Variants in SNTG2 observed in about 807,000 individuals in gnomAD.
The protein encoded by SNTG2 is gamma-2-syntrophin.
A neutral mutation model predicts 70.9 loss-of-function variants in SNTG2; 74 were observed. The observed-to-expected ratio is 1.04, with a 90% CI of 0.86 to 1.27. The LOEUF is 1.27. Ranked by LOEUF, SNTG2 falls within the 50% of genes most tolerant of loss-of-function variation. SNTG2 has a pLI of 0.00. For synonymous variants in SNTG2, 278 were observed against 273.8 expected (o/e 1.02, Z -0.15); for missense variants, 717 against 690.7 (o/e 1.04, Z -0.43).
intron 4 of SNTG2, among the ~76,000 whole-genome samples, chr2:1,134,115 G>C (rs868686717): frequency 6.6e-6 from 1 of 152,102 alleles, no homozygotes; most frequent in African/African-American, 2.4e-5. Context: ...TTGTGGTCTC[G>C]CTGGCTTCAG....
At chr2:1,272,158 T>C (rs965674846) in intron 14 of SNTG2, among the ~76,000 whole-genome samples, 1 of 151,952 alleles carries the variant, frequency 6.6e-6, no homozygotes, top group African/African-American at 2.4e-5. Flanking sequence ...CATTGCAATC[T>C]GTAATGAAAT....
chr2:1,041,466 T>G (rs1661431597), intron 1 of SNTG2, among the ~76,000 whole-genome samples: 2 of 152,214 alleles, frequency 1.3e-5, no homozygotes, highest in African/African-American at 4.8e-5. Context: ...AGTTTGGATA[T>G]TTGTCCCTGC....
intron 6 of SNTG2, among the ~76,000 whole-genome samples, chr2:1,159,790 C>T (rs1224244192): frequency 2.0e-5 from 3 of 152,144 alleles, no homozygotes; most frequent in Non-Finnish European, 2.9e-5. Flanking sequence ...TACTAAAACT[C>T]CGTCTCCCAA....
chr2:1,208,494 G>C (rs750966112), intron 8 of SNTG2, among the ~76,000 whole-genome samples: 1 of 152,300 alleles, frequency 6.6e-6, no homozygotes, highest in South Asian at 2.1e-4. Context: ...ACCTACCTCC[G>C]ACCCTTTCGT....
At position 950,898 on chromosome 2, in the gene SNTG2, G is replaced by GCGCGGA. The variant is rs1197147853; in HGVS notation, c.-93_-88dup. 9.9e-4 allele frequency: 459 copies of GCGCGGA among 462,274 alleles called. 1 individual carries two copies. Among genetic ancestry groups the GCGCGGA allele is most frequent in the Middle Eastern group, 1.5e-3 (2 of 1,358 alleles). The allele number at this position is 462,274 out of a possible 1,614,324, so 28.6% of individuals were successfully genotyped here. A position where few individuals can be genotyped will look rare whatever the true frequency, so the allele number is the denominator to read the frequency against. On this transcript the variant is annotated 5_prime_UTR_variant, in exon 1 of 17. Coordinates refer to ENST00000308624, the MANE Select transcript of SNTG2 (RefSeq NM_018968.4). ...AGCCGGAGCCGGCAGAGGGGCGCGG[G>GCGCGGA]CGCGGACGCGGCGCCTGGCGGGGCC...
intron 1 of SNTG2, among the ~76,000 whole-genome samples, chr2:1,043,910 C>T (rs930832557): frequency 1.3e-5 from 2 of 152,054 alleles, no homozygotes; most frequent in Non-Finnish European, 2.9e-5. Context: ...TATTTGGTTT[C>T]CTATGAATTT....
intron 6 of SNTG2, among the ~76,000 whole-genome samples, chr2:1,143,287 A>G (rs1392089101): frequency 6.6e-6 from 1 of 152,174 alleles, no homozygotes; most frequent in East Asian, 1.9e-4. Flanking sequence ...GTTATAAGAA[A>G]TAAGGAATCA....
At chr2:1,155,387 A>C (rs1377542219) in intron 6 of SNTG2, among the ~76,000 whole-genome samples, 1 of 152,030 alleles carries the variant, frequency 6.6e-6, no homozygotes, top group African/African-American at 2.4e-5. Context: ...ACACGTGTAC[A>C]CATACACCAC....
intron 8 of SNTG2, among the ~76,000 whole-genome samples, chr2:1,191,906 G>C (rs1315143190): frequency 6.6e-6 from 1 of 151,728 alleles, no homozygotes; most frequent in East Asian, 1.9e-4. Context: ...ATGTATATAT[G>C]TTATTTATGT....
At chr2:1,169,097 C>CA (rs1412673790) in intron 7 of SNTG2, among the ~76,000 whole-genome samples, 4 of 152,086 alleles carry the variant, frequency 2.6e-5, no homozygotes, top group African/African-American at 9.7e-5. Flanking sequence ...GAGGAGGACT[C>CA]ACTTGTGAGG....
intron 1 of SNTG2, among the ~76,000 whole-genome samples, chr2:1,042,402 T>C (rs1329774612): frequency 6.6e-6 from 1 of 152,176 alleles, no homozygotes; most frequent in East Asian, 1.9e-4. Flanking sequence ...GGTTCGGGGG[T>C]ACACGTGCAG....
At chr2:1,222,116 T>C (rs1473136450) in intron 9 of SNTG2, among the ~76,000 whole-genome samples, 2 of 38,374 alleles carry the variant, frequency 5.2e-5, no homozygotes, top group African/African-American at 1.7e-4. Flanking sequence ...TCTCTCTCTG[T>C]CTCTCTCTGT....
chr2:1,277,859 A>G (rs1679332326), intron 14 of SNTG2, among the ~76,000 whole-genome samples: 1 of 152,166 alleles, frequency 6.6e-6, no homozygotes, highest in Non-Finnish European at 1.5e-5. Context: ...CTCATAGACA[A>G]GCTCCATGGA....
At chr2:1,149,568 A>T (rs552165807) in intron 6 of SNTG2, among the ~76,000 whole-genome samples, 1 of 152,098 alleles carries the variant, frequency 6.6e-6, no homozygotes, top group Non-Finnish European at 1.5e-5. Flanking sequence ...GCAAGAATCT[A>T]TGAGCAGCAG....
At chr2:1,238,870 C>G (rs1046672703) in intron 10 of SNTG2, among the ~76,000 whole-genome samples, 1 of 152,226 alleles carries the variant, frequency 6.6e-6, no homozygotes, top group Admixed American at 6.5e-5. Flanking sequence ...TGCACCCGCC[C>G]TGCCCCTGCC....
At chr2:961,164 C>A (rs1660336803) in intron 1 of SNTG2, among the ~76,000 whole-genome samples, 1 of 152,158 alleles carries the variant, frequency 6.6e-6, no homozygotes, top group African/African-American at 2.4e-5. Flanking sequence ...TATATGTTAT[C>A]ACCCCTGGGA....
chr2:1,242,242 T>G (rs1030161063), intron 11 of SNTG2, among the ~76,000 whole-genome samples: 1 of 152,140 alleles, frequency 6.6e-6, no homozygotes, highest in African/African-American at 2.4e-5. Context: ...GAAAGAAAAT[T>G]TTTTTTCACT....
At chr2:986,499 G>A (rs1661330008) in intron 1 of SNTG2, among the ~76,000 whole-genome samples, 1 of 152,224 alleles carries the variant, frequency 6.6e-6, no homozygotes, top group African/African-American at 2.4e-5. Context: ...GAATGAGGTT[G>A]TCATGGTTAG....
chr2:1,075,181 A>G (rs1193310420), intron 1 of SNTG2, among the ~76,000 whole-genome samples: 1 of 152,188 alleles, frequency 6.6e-6, no homozygotes, highest in African/African-American at 2.4e-5. Flanking sequence ...AAACAGACAC[A>G]TGTGTGCATG....
Sources: gnomAD v4.1 joint callset for allele counts (sites outside exome capture counted in the v4.1 genomes callset) on GRCh38, gnomAD v4.1.1 for gene constraint, MANE v1.5 for transcripts, NCBI Gene and HGNC (gene_info 2026-07-23, HGNC 2026-07-21) for gene names.